ZNF292: variants seen among roughly 807,000 people sequenced by gnomAD.
The protein encoded by ZNF292 is zinc finger protein 292.
In ZNF292, 26 loss-of-function variants were observed where a neutral mutation model predicts 217.9. The observed-to-expected ratio is 0.12, with a 90% CI of 0.09 to 0.17. The LOEUF (loss-of-function observed/expected upper bound fraction) is 0.17. Among genes scored for constraint, ZNF292 ranks in the 10% least tolerant of loss-of-function variants. The pLI is 1.00. For synonymous variants in ZNF292, 1,257 were observed against 1,124.1 expected, an observed-to-expected ratio of 1.12 and a Z score of -2.37; for missense variants, 2,904 against 3,175.2, an observed-to-expected ratio of 0.91 and a Z score of 2.05.
At chr6:87,205,024 A>G (rs1380632542) in intron 1 of ZNF292, among the ~76,000 whole-genome samples, 1 of 152,106 alleles carries the variant, frequency 6.6e-6, no homozygotes, top group Non-Finnish European at 1.5e-5. Context: ...AAGCTTCTGT[A>G]ATAAAGAGAT....
chr6:87,218,486 A>C (rs1428967895), intron 3 of ZNF292, 110 bp from the exon 4 acceptor site: 2 of 855,020 alleles, frequency 2.3e-6, no homozygotes, highest in Non-Finnish European at 3.3e-6. Context: ...TGTGATGTGA[A>C]ATTTTTAAGA....
chr6:87,156,815 AT>A (rs1205980547), intron 1 of ZNF292, among the ~76,000 whole-genome samples: 1 of 152,204 alleles, frequency 6.6e-6, no homozygotes, highest in East Asian at 1.9e-4. Context: ...TTGGGACTAC[AT>A]TTGCACTTCA....
intron 1 of ZNF292, among the ~76,000 whole-genome samples, chr6:87,189,379 G>A (rs1771761723): frequency 4.0e-5 from 6 of 151,762 alleles, no homozygotes; most frequent in Non-Finnish European, 8.8e-5. Flanking sequence ...CACAATTAAT[G>A]ATCCAATATT....
At chr6:87,182,665 T>G (rs1771504970) in intron 1 of ZNF292, among the ~76,000 whole-genome samples, 1 of 152,208 alleles carries the variant, frequency 6.6e-6, no homozygotes, top group South Asian at 2.1e-4. Context: ...TTGGTGATGA[T>G]ATGTTTCTAG....
intron 1 of ZNF292, among the ~76,000 whole-genome samples, chr6:87,185,385 G>T (rs748523642): frequency 5.3e-5 from 8 of 152,186 alleles, no homozygotes; most frequent in Non-Finnish European, 1.0e-4. Flanking sequence ...TTGGGATTAT[G>T]ATGAGCACTG....
In ZNF292 at chr6:87,258,806, G is replaced by A. The variant is rs377531156; in HGVS notation, c.5177G>A (p.Gly1726Asp). 5 of 1,612,994 alleles carry A rather than the reference G, an allele frequency of 3.1e-6. No individual in the cohort carries two copies. The African/African-American group carries it at 5.3e-5, about 17-fold the overall frequency. Residue 1726 changes from glycine to aspartate, a missense_variant, in exon 8 of 8, where the codon GGT becomes GAT. Around this residue, in one of 15 missense-constraint regions of ZNF292, gnomAD observed 622 missense variants for 573.1 expected, o/e 1.09. Coordinates refer to ENST00000369577, the MANE Select transcript of ZNF292 (RefSeq NM_015021.3). ...CCTTTAACATTAAAAACTGAAAATG[G>A]TGATTCCCAAATGATGGCTTTGAAT... ...LAPLTLKTEN[G>D]DSQMMALNSC...
At chr6:87,202,185 G>A (rs939137896) in intron 1 of ZNF292, among the ~76,000 whole-genome samples, 1 of 152,044 alleles carries the variant, frequency 6.6e-6, no homozygotes, top group Non-Finnish European at 1.5e-5. Context: ...CACTATCTAT[G>A]TATGTGGTAT....
Position 87,256,060 on chromosome 6 carries a change from T to G in ZNF292, c.2431T>G (p.Phe811Val). 1 of 1,611,694 alleles carries G rather than the reference T, an allele frequency of 6.2e-7. No homozygotes were observed. The highest frequency in any genetic ancestry group is 8.5e-7 in the Non-Finnish European group (1 of 1,178,720). The change falls in exon 8 of 8, where the codon TTC (phenylalanine) becomes GTC (valine). Residue 811 changes from phenylalanine to valine, a missense_variant. Phe to Val is a conservative substitution (Grantham distance 50). Around this residue, in one of 15 missense-constraint regions of ZNF292, gnomAD observed 216 missense variants for 308.3 expected, o/e 0.70. Transcript: ENST00000369577. ...ACATTATAATACGTACACTTGTAAG[T>G]TCACAGGTTGTGGTAAAGTTTATCG... ...AQHYNTYTCK[F>V]TGCGKVYRSQ...
chr6:87,207,737 C>T (rs1207222039), intron 1 of ZNF292, among the ~76,000 whole-genome samples: 2 of 152,100 alleles, frequency 1.3e-5, no homozygotes, highest in African/African-American at 2.4e-5. Context: ...AATCCAAATT[C>T]TCCCTCAATT....
Position 87,257,222 on chromosome 6 carries a change from G to A in ZNF292, c.3593G>A (p.Ser1198Asn), listed in dbSNP as rs768253185. 10 of 1,613,710 alleles carry A rather than the reference G, an allele frequency of 6.2e-6. No homozygotes were observed. The highest frequency in any genetic ancestry group is 6.8e-6 in the Non-Finnish European group (8 of 1,179,846). Residue 1198 changes from serine to asparagine, a missense_variant, in exon 8 of 8, where the codon AGT becomes AAT. Transcript: ENST00000369577. ...CCCATTTTTCCAGCTCATTTAGCAAGTGTGTCAACTCCATTGTTGTCCTCA... is the reference window on the plus strand; with the variant it reads ...CCCATTTTTCCAGCTCATTTAGCAAATGTGTCAACTCCATTGTTGTCCTCA... ...SPPIFPAHLA[S>N]VSTPLLSSME...
rs76690660 is a variant in ZNF292 at position 87,259,868 on chromosome 6, G to T, written c.6239G>T (p.Arg2080Leu). ...NALTNTQTKG[R>L]KIRRHKKEKE... is the part of the protein sequence containing the mutation. ...CTCACAAACACACAAACCAAAGGAC[G>T]GAAGATTAGGAGGCATAAAAAAGAA... The change falls in exon 8 of 8, where the codon CGG becomes CTG. Residue 2080 changes from arginine (R) to leucine (L), a missense_variant. Coordinates refer to ENST00000369577, the MANE Select transcript of ZNF292 (RefSeq NM_015021.3). 3.0e-5 allele frequency: 49 copies of T among 1,613,188 alleles called. No homozygotes were observed. The South Asian group carries it at 5.2e-4, about 17-fold the overall frequency.
chr6:87,185,723 C>T (rs1280527884), intron 1 of ZNF292, among the ~76,000 whole-genome samples: 1 of 152,250 alleles, frequency 6.6e-6, no homozygotes, highest in Non-Finnish European at 1.5e-5. Flanking sequence ...CCCACTTCAG[C>T]TTCCCAAGGT....
chr6:87,171,622 A>G (rs1409446343), intron 1 of ZNF292, among the ~76,000 whole-genome samples: 1 of 152,168 alleles, frequency 6.6e-6, no homozygotes, highest in Admixed American at 6.5e-5. Context: ...AATCCACTAT[A>G]CCAAAAATGT....
chr6:87,260,193 C>T lies in ZNF292; in HGVS notation c.6564C>T (p.Gly2188=). 6.2e-7 allele frequency: 1 copy of T among 1,613,314 alleles called. No homozygotes were observed. Among genetic ancestry groups the T allele is most frequent in the Non-Finnish European group, 8.5e-7 (1 of 1,179,438 alleles). The part of the protein sequence containing the change: ...DCSRIFQAIT[G]LIQHYMKLHE... ...CTCGAATTTTCCAAGCAATTACTGG[C>T]CTAATACAACACTACATGAAACTTC... Residue 2188 remains glycine (G), a synonymous_variant, in exon 8 of 8, where the codon GGC becomes GGT. Transcript: ENST00000369577.
intron 1 of ZNF292, among the ~76,000 whole-genome samples, chr6:87,207,347 A>T (rs1453413620): frequency 6.6e-6 from 1 of 152,090 alleles, no homozygotes; most frequent in Non-Finnish European, 1.5e-5. Flanking sequence ...ACGAATTTTG[A>T]TAGGTTGTGT....
chr6:87,237,322 G>A (rs1773951561), intron 5 of ZNF292, among the ~76,000 whole-genome samples: 1 of 152,052 alleles, frequency 6.6e-6, no homozygotes, highest in South Asian at 2.1e-4. Context: ...CTCAGCTCAT[G>A]GTACCTCTGC....
At chr6:87,233,054 C>T (rs969112070) in intron 4 of ZNF292, among the ~76,000 whole-genome samples, 6 of 152,070 alleles carry the variant, frequency 3.9e-5, no homozygotes, top group African/African-American at 7.2e-5. Flanking sequence ...TAGCATTTAA[C>T]ACAGAACTAT....
intron 4 of ZNF292, among the ~76,000 whole-genome samples, chr6:87,230,190 A>T (rs1053477967): frequency 6.6e-6 from 1 of 152,174 alleles, no homozygotes; most frequent in Non-Finnish European, 1.5e-5. Flanking sequence ...GAGATATTGT[A>T]TGCTGAGTTT....
chr6:87,242,239 T>C (rs1774329004), intron 5 of ZNF292, among the ~76,000 whole-genome samples: 1 of 152,208 alleles, frequency 6.6e-6, no homozygotes, highest in Admixed American at 6.5e-5. Flanking sequence ...AACAACACTG[T>C]ACCAGGTAGC....
Sources: gnomAD v4.1 joint callset for allele counts (sites outside exome capture counted in the v4.1 genomes callset) on GRCh38, gnomAD v4.1.1 for gene constraint, gnomAD v4.1.1 regional missense constraint, MANE v1.5 for transcripts, NCBI Gene and HGNC (gene_info 2026-07-23, HGNC 2026-07-21) for gene names.